ARHGAP32: variants seen among roughly 807,000 people sequenced by gnomAD.
The protein encoded by ARHGAP32 is Rho GTPase activating protein 32.
A neutral mutation model predicts 186.5 loss-of-function variants in ARHGAP32; 51 were observed. That is an observed-to-expected ratio of 0.27 (90% CI 0.22 to 0.35). The LOEUF (loss-of-function observed/expected upper bound fraction) is 0.35. ARHGAP32 is among the 10% of genes least tolerant of loss of function. ARHGAP32 has a pLI of 1.00. For synonymous variants in ARHGAP32, 950 were observed against 964.3 expected (o/e 0.99, Z 0.27); for missense variants, 2,186 against 2,623.5 (o/e 0.83, Z 3.64).
intron 6 of ARHGAP32, among the ~76,000 whole-genome samples, chr11:129,080,339 C>G (rs1387017473): frequency 6.6e-6 from 1 of 151,998 alleles, no homozygotes; most frequent in Non-Finnish European, 1.5e-5. Flanking sequence ...CCAAGACAGA[C>G]CATATGATAG....
chr11:129,226,466 A>G (rs1944783484), intron 1 of ARHGAP32, among the ~76,000 whole-genome samples: 1 of 152,170 alleles, frequency 6.6e-6, no homozygotes, highest in African/African-American at 2.4e-5. Context: ...TTACGTATTC[A>G]AAGTGCTGAA....
At chr11:129,101,659 A>C (rs1439013255) in intron 5 of ARHGAP32, among the ~76,000 whole-genome samples, 3 of 152,216 alleles carry the variant, frequency 2.0e-5, no homozygotes, top group Non-Finnish European at 4.4e-5. Context: ...ATAGAGAAAA[A>C]AGAATGAAAA....
intron 2 of ARHGAP32, among the ~76,000 whole-genome samples, chr11:129,150,920 T>C (rs1282603236): frequency 6.8e-6 from 1 of 147,692 alleles, no homozygotes; most frequent in Non-Finnish European, 1.5e-5. Flanking sequence ...AGACAGAGAA[T>C]GGCAGAATGA....
rs192794826 is a variant in ARHGAP32 at position 129,124,169 on chromosome 11, G to T, written c.318-240C>A. ...GGGATATCTTGGGGCTGGGACCCAA[G>T]TCTAAACACAAAATTCATTTATATT... is the stretch of plus-strand genomic sequence containing the variant. On this transcript the variant is annotated intron_variant, in intron 3 of 22. Transcript: ENST00000682385. 8.2e-4 allele frequency among the ~76,000 whole-genome samples: 125 copies of T among 152,250 alleles called. No individual in the cohort carries two copies. In the East Asian group the frequency reaches 9.1e-3, roughly 11 times the overall value.
At chr11:128,978,253 A>G (rs1945607328) in intron 19 of ARHGAP32, among the ~76,000 whole-genome samples, 1 of 152,204 alleles carries the variant, frequency 6.6e-6, no homozygotes, top group Non-Finnish European at 1.5e-5. Context: ...TAGATTCAGA[A>G]GTTGTTAATA....
chr11:129,060,126 A>C (rs1012295277), intron 10 of ARHGAP32, among the ~76,000 whole-genome samples: 11 of 152,210 alleles, frequency 7.2e-5, no homozygotes, highest in Admixed American at 2.0e-4. Flanking sequence ...GCAATGAACT[A>C]ATTGTGTGCG....
chr11:129,256,530 A>T (rs930119406), intron 1 of ARHGAP32, among the ~76,000 whole-genome samples: 1 of 152,184 alleles, frequency 6.6e-6, no homozygotes, highest in Non-Finnish European at 1.5e-5. Context: ...GAGAAATGCT[A>T]CAGGCTATTT....
chr11:128,986,367 A>G (rs1386550668), intron 14 of ARHGAP32, among the ~76,000 whole-genome samples, 157 bp downstream of exon 14: 1 of 152,232 alleles, frequency 6.6e-6, no homozygotes, highest in Admixed American at 6.5e-5. Flanking sequence ...TGAAAACAGC[A>G]AAGACCACCG....
chr11:129,051,375 G>T (rs1168057005), intron 10 of ARHGAP32, among the ~76,000 whole-genome samples: 2 of 152,106 alleles, frequency 1.3e-5, no homozygotes, highest in African/African-American at 4.8e-5. Context: ...GTTTTGATTT[G>T]CATTTCTCTA....
At chr11:129,037,744 C>T (rs1939411650) in intron 11 of ARHGAP32, among the ~76,000 whole-genome samples, 1 of 151,884 alleles carries the variant, frequency 6.6e-6, no homozygotes, top group African/African-American at 2.4e-5. Context: ...ATGACTTACA[C>T]TTCCCCACTG....
chr11:129,160,914 G>C (rs748022760), intron 2 of ARHGAP32, among the ~76,000 whole-genome samples: 4 of 151,686 alleles, frequency 2.6e-5, no homozygotes, highest in Non-Finnish European at 5.9e-5. Flanking sequence ...ACTACACAAG[G>C]CTACAGTAAC....
At chr11:129,070,244 C>A (rs1940827790) in intron 6 of ARHGAP32, among the ~76,000 whole-genome samples, 1 of 151,990 alleles carries the variant, frequency 6.6e-6, no homozygotes, top group South Asian at 2.1e-4. Flanking sequence ...GTGAAATAAT[C>A]CACGTAAGGT....
At chr11:129,159,665 C>T (rs1436662700) in intron 2 of ARHGAP32, among the ~76,000 whole-genome samples, 6 of 152,016 alleles carry the variant, frequency 3.9e-5, no homozygotes, top group African/African-American at 7.2e-5. Context: ...GGTACCATTC[C>T]TTCTGAAACT....
In ARHGAP32 at chr11:128,972,902, C is replaced by T. The variant is rs746664458; in HGVS notation, c.3604G>A (p.Gly1202Arg). 2.5e-6 allele frequency: 4 copies of T among 1,613,884 alleles called. No individual in the cohort carries two copies. Among genetic ancestry groups the T allele is most frequent in the Non-Finnish European group, 3.4e-6 (4 of 1,180,030 alleles). ...GAGACAGTTGGCATACTGTTCTTCC[C>T]AGACTGGTCTTCAGGGAAACTTACA... ...DHVSFPEDQS[G>R]KNSMPTVSFL... Residue 1202 changes from glycine to arginine, a missense_variant, in exon 22 of 23, where the codon GGG (glycine) becomes AGG (arginine). Around this residue, in one of 5 missense-constraint regions of ARHGAP32, gnomAD observed 1,502 missense variants for 1,570.0 expected, o/e 0.96. Transcript: ENST00000682385.
At chr11:129,112,539 G>T (rs191602590) in intron 5 of ARHGAP32, among the ~76,000 whole-genome samples, 2 of 151,630 alleles carry the variant, frequency 1.3e-5, no homozygotes, top group Non-Finnish European at 2.9e-5. Context: ...CAAATATTTG[G>T]CTGCTTCATG....
At chr11:129,274,742 G>C (rs980133898) in intron 1 of ARHGAP32, among the ~76,000 whole-genome samples, 1 of 151,608 alleles carries the variant, frequency 6.6e-6, no homozygotes, top group South Asian at 2.1e-4. Flanking sequence ...TAGTAAACTA[G>C]ATCTATTTAG....
At chr11:129,180,410 G>A (rs1944030570) in intron 1 of ARHGAP32, among the ~76,000 whole-genome samples, 1 of 152,074 alleles carries the variant, frequency 6.6e-6, no homozygotes, top group Non-Finnish European at 1.5e-5. Flanking sequence ...ACCTTGATTG[G>A]GTTGTGATTA....
chr11:129,044,517 A>G (rs1939730715), intron 10 of ARHGAP32, among the ~76,000 whole-genome samples: 1 of 152,208 alleles, frequency 6.6e-6, no homozygotes, highest in Non-Finnish European at 1.5e-5. Flanking sequence ...GGGTTAATGC[A>G]TAAGTAAATG....
chr11:129,266,461 T>G (rs1945401954), intron 1 of ARHGAP32, among the ~76,000 whole-genome samples: 1 of 152,124 alleles, frequency 6.6e-6, no homozygotes, highest in Non-Finnish European at 1.5e-5. Context: ...GTGATCAGCC[T>G]AGAAGCTCTT....
Sources: allele counts gnomAD v4.1 joint callset (sites outside exome capture counted in the v4.1 genomes callset), GRCh38; gene constraint gnomAD v4.1.1; regional missense constraint gnomAD v4.1.1; transcripts MANE v1.5; gene names NCBI Gene and HGNC (gene_info 2026-07-23, HGNC 2026-07-21).